The following ITGA8 variants were observed in gnomAD, a reference collection of about 807,000 sequenced individuals.
ITGA8 encodes integrin subunit alpha 8.
Under a neutral mutation model 142.3 loss-of-function variants are expected in ITGA8, and 91 were observed. That is an observed-to-expected ratio of 0.64 (90% CI 0.54 to 0.76). The LOEUF (loss-of-function observed/expected upper bound fraction) is 0.76, where lower values mean the gene tolerates loss of function less well. ITGA8 is among the 30% of genes least tolerant of loss of function. The pLI, the probability that ITGA8 is intolerant of heterozygous loss-of-function variation, is 0.00. For missense variants in ITGA8, 1,406 were observed against 1,327.7 expected, an observed-to-expected ratio of 1.06 and a Z score of -0.92; for synonymous variants, 505 against 485.2, an observed-to-expected ratio of 1.04 and a Z score of -0.54.
chr10:15,673,620 T>G (rs1337706365), intron 6 of ITGA8, among the ~76,000 whole-genome samples: 2 of 152,220 alleles, frequency 1.3e-5, no homozygotes, highest in African/African-American at 4.8e-5. Flanking sequence ...CTAAATCACA[T>G]ATCTGATTAA....
At chr10:15,561,237 A>ATATATATATATATG (rs1554772733) in intron 25 of ITGA8, among the ~76,000 whole-genome samples, 46 of 78,860 alleles carry the variant, frequency 5.8e-4, no homozygotes, top group African/African-American at 4.1e-3. Context: ...ATATATATGT[A>ATATATATATATATG]TATATATATA....
intron 2 of ITGA8, among the ~76,000 whole-genome samples, chr10:15,700,547 C>G (rs552307479): frequency 1.7e-3 from 254 of 152,186 alleles, no homozygotes; most frequent in African/African-American, 6.0e-3. Flanking sequence ...AACATGCAGC[C>G]AAACCAAAGA....
At chr10:15,584,388 A>G (rs1009661442) in intron 23 of ITGA8, among the ~76,000 whole-genome samples, 19 of 152,204 alleles carry the variant, frequency 1.2e-4, no homozygotes, top group African/African-American at 4.6e-4. Flanking sequence ...ACAAAGATTA[A>G]AAAGCTGCTG....
intron 23 of ITGA8, among the ~76,000 whole-genome samples, chr10:15,582,979 A>C (rs1564361382): frequency 6.6e-6 from 1 of 152,250 alleles, no homozygotes; most frequent in African/African-American, 2.4e-5. Flanking sequence ...TTTATTCTTC[A>C]TAGCTCAAAC....
At chr10:15,613,119 C>T (rs10904601) in intron 15 of ITGA8, among the ~76,000 whole-genome samples, 33,678 of 151,764 alleles carry the variant, frequency 0.22, 3,978 homozygotes, top group Admixed American at 0.32. Context: ...CAAGATTGTG[C>T]CACTGCCCTC....
chr10:15,668,784 A>C (rs1310297198), intron 8 of ITGA8, among the ~76,000 whole-genome samples: 2 of 152,118 alleles, frequency 1.3e-5, no homozygotes, highest in African/African-American at 4.8e-5. Flanking sequence ...TCTGAAGCTT[A>C]GTTTGCCTGG....
intron 13 of ITGA8, among the ~76,000 whole-genome samples, chr10:15,637,787 C>T (rs896999562): frequency 2.6e-4 from 37 of 143,026 alleles, no homozygotes; most frequent in Non-Finnish European, 5.0e-4. Flanking sequence ...GCTACCGTGC[C>T]CATCGGCTAA....
intron 26 of ITGA8, among the ~76,000 whole-genome samples, chr10:15,549,201 GTTTTTTTTTTTTT>G (rs67683436): frequency 2.8e-5 from 3 of 107,344 alleles, no homozygotes; most frequent in South Asian, 2.7e-4. Flanking sequence ...TTTCTTTTCT[GTTTTTTTTTTTTT>G]TTTTTTTTTT....
intron 2 of ITGA8, among the ~76,000 whole-genome samples, chr10:15,711,508 A>C (rs535339001): frequency 1.3e-5 from 2 of 151,952 alleles, no homozygotes; most frequent in Non-Finnish European, 2.9e-5. Flanking sequence ...TTATACATTT[A>C]TTTTATTTAC....
rs536570769 is a variant in ITGA8, at chr10:15,659,665, G to A, written c.892-610C>T. Among the ~76,000 whole-genome samples, 9 of 152,314 alleles carry A rather than the reference G, an allele frequency of 5.9e-5. No individual in the cohort carries two copies. In the East Asian group the frequency reaches 1.7e-3, roughly 29 times the overall value. The stretch of plus-strand genomic sequence containing the variant: ...CAGAATAAGACTTTATTTGGAAATA[G>A]GATCTTTGCAGATGAAATTAGTTAA... On this transcript the variant is annotated intron_variant, in intron 9 of 29. Transcript: ENST00000378076.
At position 15,558,215 on chromosome 10, in the gene ITGA8, A is replaced by G; in HGVS notation, c.2638-13T>C. The G allele has an allele frequency of 1.2e-6, 2 of 1,614,000 alleles. No individual in the cohort carries two copies. Among genetic ancestry groups the G allele is most frequent in the Non-Finnish European group, 1.7e-6 (2 of 1,179,930 alleles). ...GGGAGGCAGCAGGCTGCAAAAAGAA[A>G]GTGGGAGATACCACATTAAAAACAC... is the stretch of plus-strand genomic sequence containing the variant. On this transcript the variant is annotated splice_polypyrimidine_tract_variant and intron_variant, in intron 25 of 29. Coordinates refer to ENST00000378076, the MANE Select transcript of ITGA8 (RefSeq NM_003638.3).
intron 23 of ITGA8, among the ~76,000 whole-genome samples, chr10:15,576,691 T>C (rs992786440): frequency 1.3e-5 from 2 of 152,200 alleles, no homozygotes; most frequent in Non-Finnish European, 2.9e-5. Flanking sequence ...TCTTTCTTCA[T>C]CTGGAAAATT....
intron 15 of ITGA8, among the ~76,000 whole-genome samples, chr10:15,612,138 A>C (rs1360105352): frequency 6.6e-6 from 1 of 152,192 alleles, no homozygotes; most frequent in Non-Finnish European, 1.5e-5. Flanking sequence ...TTTTAACCAA[A>C]TGTGCCCAGG....
intron 25 of ITGA8, among the ~76,000 whole-genome samples, chr10:15,566,586 G>T (rs1834085200): frequency 6.6e-6 from 1 of 151,766 alleles, no homozygotes; most frequent in Non-Finnish European, 1.5e-5. Context: ...CGAGGTGGGT[G>T]AATTGCCTGA....
intron 21 of ITGA8, 26 bp downstream of exon 21, chr10:15,597,180 CA>C (rs1366341616): frequency 6.5e-7 from 1 of 1,550,340 alleles, no homozygotes. Flanking sequence ...AGAAGGAAAT[CA>C]GTCAGTATTT....
At position 15,597,011 on chromosome 10, in the gene ITGA8, T is replaced by C. The variant is rs529765108; in HGVS notation, c.2211+196A>G. ...GAGAAAGCATAGAAGAGCATGCATCTTTCTGTGTTTTTAGCTTGAGACGAT... is the reference window on the plus strand; with the variant it reads ...GAGAAAGCATAGAAGAGCATGCATCCTTCTGTGTTTTTAGCTTGAGACGAT... On this transcript the variant is annotated intron_variant, in intron 21 of 29. Coordinates refer to ENST00000378076, the MANE Select transcript of ITGA8 (RefSeq NM_003638.3). 1.1e-5 allele frequency: 6 copies of C among 565,848 alleles called. No individual in the cohort carries two copies. In the East Asian group the frequency reaches 1.7e-4, roughly 16 times the overall value. The allele number at this position is 565,848 out of a possible 1,614,324, so 35.1% of individuals were successfully genotyped here. A position where few individuals can be genotyped will look rare whatever the true frequency, so the allele number is the denominator to read the frequency against.
chr10:15,630,123 C>T (rs1027082834), intron 13 of ITGA8, among the ~76,000 whole-genome samples: 2 of 152,020 alleles, frequency 1.3e-5, no homozygotes, highest in African/African-American at 4.8e-5. Context: ...CAGTCTGCTA[C>T]TTTGAGTAAC....
rs1310833368 is a variant in ITGA8, at chr10:15,678,693, T to G, written c.630+29A>C. 7.2e-6 allele frequency: 11 copies of G among 1,521,090 alleles called. No homozygotes were observed. The South Asian group carries it at 1.1e-4, about 16-fold the overall frequency. The allele number at this position is 1,521,090 out of a possible 1,614,324, so 94.2% of individuals were successfully genotyped here. ...GGGTAAAAAAAAATCAGATTAAATA[T>G]TAGGAACTGCGAGACCAAAATAATT... On this transcript the variant is annotated intron_variant, in intron 5 of 29. Transcript: ENST00000378076.
intron 24 of ITGA8, among the ~76,000 whole-genome samples, chr10:15,575,094 G>A (rs936129747): frequency 2.0e-5 from 3 of 152,098 alleles, no homozygotes; most frequent in Non-Finnish European, 2.9e-5. Context: ...TATACAGCTC[G>A]GAACTTGGGT....
Sources: gnomAD v4.1 joint callset for allele counts (sites outside exome capture counted in the v4.1 genomes callset) on GRCh38, gnomAD v4.1.1 for gene constraint, MANE v1.5 for transcripts, NCBI Gene and HGNC (gene_info 2026-07-23, HGNC 2026-07-21) for gene names.